Variants in PDE1A observed in about 807,000 individuals in gnomAD.
The protein encoded by PDE1A is phosphodiesterase 1A, also known as dual specificity calcium/calmodulin-dependent 3',5'-cyclic nucleotide phosphodiesterase 1A.
Under a neutral mutation model 61.7 loss-of-function variants are expected in PDE1A, and 35 were observed. That is an observed-to-expected ratio of 0.57 (90% CI 0.43 to 0.75). The LOEUF is 0.75. Ranked by LOEUF, PDE1A falls within the 30% of genes least tolerant of loss-of-function variation. The pLI, the probability that PDE1A is intolerant of heterozygous loss-of-function variation, is 0.00. For missense variants in PDE1A, 597 were observed against 630.6 expected (o/e 0.95, Z 0.57); for synonymous variants, 232 against 213.2 (o/e 1.09, Z -0.77).
At chr2:182,627,256 A>ATAT in the PDE1A span, among the ~76,000 whole-genome samples, 1 of 32,256 alleles carries the variant, frequency 3.1e-5, no homozygotes, top group Non-Finnish European at 6.1e-5. Context: ...TAAATAATAT[A>ATAT]TTATTTATAT....
chr2:182,321,904 C>T (rs1256577537), intron 1 of PDE1A, among the ~76,000 whole-genome samples: 1 of 152,064 alleles, frequency 6.6e-6, no homozygotes, highest in Non-Finnish European at 1.5e-5. Context: ...AACCACCAGG[C>T]TAGATATTAT....
chr2:182,423,060 C>T (rs541376235), intron 1 of PDE1A, among the ~76,000 whole-genome samples: 2 of 152,268 alleles, frequency 1.3e-5, no homozygotes, highest in South Asian at 4.1e-4. Flanking sequence ...AAGGCACTCA[C>T]CATGCACATA....
At chr2:182,145,231 G>A (rs1455214443), downstream of PDE1A, among the ~76,000 whole-genome samples, 1 of 152,116 alleles carries the variant, frequency 6.6e-6, no homozygotes, top group Non-Finnish European at 1.5e-5. Context: ...GAATTCTATT[G>A]AGGTTACATA....
At chr2:182,358,005 G>C (rs1201324342) in intron 1 of PDE1A, among the ~76,000 whole-genome samples, 3 of 152,208 alleles carry the variant, frequency 2.0e-5, no homozygotes, top group Non-Finnish European at 4.4e-5. Context: ...GAGCTGTGTT[G>C]CAGTTCTTGC....
rs568933199 is a variant in PDE1A at position 182,376,341 on chromosome 2, C to T, written c.53+50237G>A. On this transcript the variant is annotated intron_variant, in intron 1 of 13. Transcript: ENST00000351439. ...GCTTAGAAATTTCTTCTGCCAGATT[C>T]CCTACATCATCTCTCTCAAGTACAA... is the stretch of plus-strand genomic sequence containing the variant. 3.3e-5 allele frequency among the ~76,000 whole-genome samples: 5 copies of T among 152,276 alleles called. No individual in the cohort carries two copies. In the East Asian group the frequency reaches 7.7e-4, roughly 24 times the overall value.
chr2:182,258,559 A>G (rs573384414), intron 2 of PDE1A, among the ~76,000 whole-genome samples: 1 of 152,372 alleles, frequency 6.6e-6, no homozygotes, highest in East Asian at 1.9e-4. Context: ...CCCTTGAGTT[A>G]TAATTCATAT....
At chr2:182,644,263 C>CGTGTG in the PDE1A span, among the ~76,000 whole-genome samples, 2 of 123,044 alleles carry the variant, frequency 1.6e-5, no homozygotes, top group East Asian at 5.1e-4. Context: ...TCTTAAGACT[C>CGTGTG]TGTGTGTGTG....
chr2:182,222,329 T>G (rs1688797050), intron 7 of PDE1A, among the ~76,000 whole-genome samples: 1 of 151,906 alleles, frequency 6.6e-6, no homozygotes, highest in South Asian at 2.1e-4. Flanking sequence ...TCTATGACAT[T>G]TTGGAAAAGG....
chr2:182,421,775 T>G (rs1703291561), intron 1 of PDE1A, among the ~76,000 whole-genome samples: 1 of 152,196 alleles, frequency 6.6e-6, no homozygotes. Flanking sequence ...TGCCTTACAC[T>G]CAAATGTGTT....
chr2:182,334,120 G>C (rs972171690), intron 1 of PDE1A, among the ~76,000 whole-genome samples: 1 of 152,028 alleles, frequency 6.6e-6, no homozygotes, highest in Non-Finnish European at 1.5e-5. Context: ...CCCAGGACCA[G>C]ACAGATTCAC....
intron 2 of PDE1A, among the ~76,000 whole-genome samples, chr2:182,512,290 G>C (rs1350971606): frequency 6.6e-6 from 1 of 152,146 alleles, no homozygotes; most frequent in Non-Finnish European, 1.5e-5. Context: ...AAAGTCATGG[G>C]CCTGGTCCCA....
intron 2 of PDE1A, among the ~76,000 whole-genome samples, chr2:182,494,530 GTTT>G (rs1387941242): frequency 6.6e-6 from 1 of 151,730 alleles, no homozygotes; most frequent in Non-Finnish European, 1.5e-5. Context: ...GTCTTTTATG[GTTT>G]TCTTCCCATT....
the PDE1A span, among the ~76,000 whole-genome samples, chr2:182,658,098 C>T: frequency 6.9e-6 from 1 of 144,670 alleles, no homozygotes; most frequent in Non-Finnish European, 1.5e-5. Flanking sequence ...TCCTGCCTTT[C>T]CTCCTGTGTT....
At chr2:182,620,692 GGATTT>G in the PDE1A span, among the ~76,000 whole-genome samples, 5 of 152,120 alleles carry the variant, frequency 3.3e-5, no homozygotes, top group African/African-American at 1.2e-4. Context: ...GTAATGCTAT[GGATTT>G]AATTCCACAA....
At chr2:182,633,112 T>C in the PDE1A span, among the ~76,000 whole-genome samples, 1 of 152,292 alleles carries the variant, frequency 6.6e-6, no homozygotes, top group East Asian at 1.9e-4. Context: ...AATGGCATGA[T>C]GAATGGATTT....
chr2:182,336,198 A>C (rs547677083), intron 1 of PDE1A, among the ~76,000 whole-genome samples: 1 of 152,314 alleles, frequency 6.6e-6, no homozygotes, highest in Non-Finnish European at 1.5e-5. Context: ...ACCATTGTGG[A>C]AGACAGTATG....
the PDE1A span, among the ~76,000 whole-genome samples, chr2:182,548,145 A>C: frequency 6.6e-6 from 1 of 152,140 alleles, no homozygotes; most frequent in Non-Finnish European, 1.5e-5. Flanking sequence ...TTCTCATCTT[A>C]AGTCAGTGAA....
chr2:182,186,519 G>C (rs1330992888), exon 12 of PDE1A: 2 of 1,613,066 alleles, frequency 1.2e-6, no homozygotes, highest in African/African-American at 2.7e-5. Flanking sequence ...CTCTATAAGA[G>C]GAATAACAAT....
At chr2:182,642,484 G>A in the PDE1A span, among the ~76,000 whole-genome samples, 1 of 152,138 alleles carries the variant, frequency 6.6e-6, no homozygotes, top group Non-Finnish European at 1.5e-5. Context: ...TGCCCACTGT[G>A]AGTTACATGC....
Sources: gnomAD v4.1 joint callset for allele counts (sites outside exome capture counted in the v4.1 genomes callset) on GRCh38, gnomAD v4.1.1 for gene constraint, MANE v1.5 for transcripts, NCBI Gene and HGNC (gene_info 2026-07-23, HGNC 2026-07-21) for gene names.